ARID1B: variants seen among roughly 807,000 people sequenced by gnomAD.
ARID1B encodes AT-rich interactive domain-containing protein 1B.
Under a neutral mutation model 212.3 loss-of-function variants are expected in ARID1B, and 30 were observed. The ratio of observed to expected loss-of-function variants is 0.14; its 90% CI spans 0.11 to 0.19. ARID1B has a LOEUF of 0.19. ARID1B is among the 10% of genes least tolerant of loss of function. The pLI, the probability that ARID1B is intolerant of heterozygous loss-of-function variation, is 1.00. For missense variants in ARID1B, 2,891 were observed against 3,204.0 expected (o/e 0.90, Z 2.36); for synonymous variants, 1,402 against 1,301.7 (o/e 1.08, Z -1.66).
chr6:156,985,107 A>G (rs1583079667), intron 4 of ARID1B: 1 of 152,206 alleles, frequency 6.6e-6, no homozygotes, highest in South Asian at 2.1e-4. Context: ...AAGCTTCCAT[A>G]TACTCTAGAC....
chr6:157,174,904 C>G lies in ARID1B; in HGVS notation c.3403C>G (p.Pro1135Ala). 6.4e-7 allele frequency: 1 copy of G among 1,553,450 alleles called. No individual in the cohort carries two copies. The highest frequency in any genetic ancestry group is 8.7e-7 in the Non-Finnish European group (1 of 1,149,174). ...CCCAACCCCAGGCAACCTGCCAGTC[C>G]CTTCCCCAATGTCCCCCAGCTCTGC... ...QPPTPGNLPV[P>A]SPMSPSSASI... The change falls in exon 11 of 20, where the codon CCT (proline) becomes GCT (alanine). Residue 1135 changes from proline to alanine, a missense_variant. Transcript: ENST00000636930.
intron 4 of ARID1B, among the ~76,000 whole-genome samples, chr6:157,000,602 C>T (rs181612251): frequency 9.0e-4 from 136 of 151,772 alleles, no homozygotes; most frequent in African/African-American, 3.1e-3. Context: ...AATGTTCTTA[C>T]ATTTTCCCAC....
intron 7 of ARID1B, among the ~76,000 whole-genome samples, chr6:157,139,063 T>C (rs1789149442): frequency 6.6e-6 from 1 of 152,180 alleles, no homozygotes; most frequent in South Asian, 2.1e-4. Context: ...TAACAAAACC[T>C]GGGAATTAGG....
In ARID1B at chr6:157,174,129, G is replaced by A. The variant is rs111356146; in HGVS notation, c.3345+12G>A. ...AGAGCAAGTCAAAGGTACTTCCTTC[G>A]CCTCTGCACGCGGTGTGAGGTCTGC... On this transcript the variant is annotated intron_variant, in intron 10 of 19. Coordinates refer to ENST00000636930, the MANE Select transcript of ARID1B (RefSeq NM_001374828.1). 1,093 of 1,609,864 alleles carry A rather than the reference G, an allele frequency of 6.8e-4. 7 individuals carry two copies. The African/African-American group carries it at 0.012, about 17-fold the overall frequency.
At chr6:156,821,559 C>T (rs533271051) in intron 1 of ARID1B, among the ~76,000 whole-genome samples, 1 of 152,358 alleles carries the variant, frequency 6.6e-6, no homozygotes, top group African/African-American at 2.4e-5. Context: ...GTATGTACAT[C>T]ACTTACGGAC....
chr6:157,181,081 G>A lies in ARID1B; in HGVS notation c.3617G>A (p.Arg1206Lys), dbSNP rs753607488. ...VDRYLTFMEE[R>K]GSPVSSLPAV... ...CGATACCTCACCTTCATGGAAGAGA[G>A]AGGCTCTCCTGTCTCAAGTCTGCCT... Residue 1206 changes from arginine (R) to lysine (K), a missense_variant, in exon 12 of 20, where the codon AGA becomes AAA. Arg to Lys is a conservative substitution (Grantham distance 26). Coordinates refer to ENST00000636930, the MANE Select transcript of ARID1B (RefSeq NM_001374828.1). 2.5e-6 allele frequency: 4 copies of A among 1,614,198 alleles called. No individual in the cohort carries two copies. Among genetic ancestry groups the A allele is most frequent in the Non-Finnish European group, 3.4e-6 (4 of 1,180,042 alleles).
At chr6:156,805,519 G>A (rs1312988851) in intron 1 of ARID1B, among the ~76,000 whole-genome samples, 3 of 152,116 alleles carry the variant, frequency 2.0e-5, no homozygotes, top group African/African-American at 7.2e-5. Flanking sequence ...ACTTCACCAA[G>A]GAAGGGCAGC....
chr6:156,904,059 C>G (rs1789162453), intron 3 of ARID1B, among the ~76,000 whole-genome samples: 1 of 152,208 alleles, frequency 6.6e-6, no homozygotes, highest in African/African-American at 2.4e-5. Flanking sequence ...AGAAAAGTCT[C>G]TTCCCGTCTT....
In ARID1B at chr6:157,206,494, G is replaced by C. The variant is rs766977678; in HGVS notation, c.5722G>C (p.Asp1908His). ...KEKPKQASKF[D>H]KLPIKIVKKN... ...GAAGCCCAAGCAAGCCAGTAAGTTC[G>C]ACAAGCTGCCAATAAAGATAGTCAA... The change falls in exon 20 of 20, where the codon GAC (aspartate) becomes CAC (histidine). Residue 1908 changes from aspartate (D) to histidine (H), a missense_variant. Around this residue, in one of 7 missense-constraint regions of ARID1B, gnomAD observed 332 missense variants for 369.2 expected, o/e 0.90. Transcript: ENST00000636930. This position sits in a 1 kb window ranked among gnomAD's most constrained non-coding sequence, Gnocchi z 6.8. 5 of 1,614,098 alleles carry C rather than the reference G, an allele frequency of 3.1e-6. No homozygotes were observed. The highest frequency in any genetic ancestry group is 4.2e-6 in the Non-Finnish European group (5 of 1,180,024).
chr6:156,865,555 C>G (rs117165198), intron 2 of ARID1B, among the ~76,000 whole-genome samples: 1 of 152,092 alleles, frequency 6.6e-6, no homozygotes, highest in African/African-American at 2.4e-5. Flanking sequence ...TAGTTCATTT[C>G]CCCACGTACT....
chr6:157,115,010 T>C lies in ARID1B; in HGVS notation c.2581+4449T>C, dbSNP rs545587349. ...ATATGTTAATAAACCATGTACCCTG[T>C]GTGTCAGAGGTTCTGCAAACCTCTG... On this transcript the variant is annotated intron_variant, in intron 6 of 19. Coordinates refer to ENST00000636930, the MANE Select transcript of ARID1B (RefSeq NM_001374828.1). 2.0e-5 allele frequency among the ~76,000 whole-genome samples: 3 copies of C among 152,326 alleles called. No individual in the cohort carries two copies. In the East Asian group the frequency reaches 5.8e-4, roughly 29 times the overall value.
chr6:156,811,849 A>G (rs1009743085), intron 1 of ARID1B, among the ~76,000 whole-genome samples: 1 of 152,196 alleles, frequency 6.6e-6, no homozygotes, highest in African/African-American at 2.4e-5. Flanking sequence ...TTCTAGTTAC[A>G]TTCTGCTTAT....
intron 4 of ARID1B, among the ~76,000 whole-genome samples, chr6:157,031,376 C>A (rs1460078931): frequency 6.6e-6 from 1 of 152,160 alleles, no homozygotes; most frequent in Non-Finnish European, 1.5e-5. Flanking sequence ...GTATTTTTAT[C>A]CCCTGGACAC....
chr6:157,184,511 C>A (rs1303785882), intron 13 of ARID1B, 76 bp downstream of exon 13: 1 of 1,542,256 alleles, frequency 6.5e-7, no homozygotes, highest in Non-Finnish European at 8.9e-7. Flanking sequence ...AAGGTGGTTT[C>A]ACAGTCAGGC....
At chr6:157,107,704 C>T (rs117566574) in intron 5 of ARID1B, 4 of 152,148 alleles carry the variant, frequency 2.6e-5, no homozygotes, top group Admixed American at 1.3e-4. Flanking sequence ...GGAAAGAACA[C>T]GGGGGCTCTC....
intron 12 of ARID1B, among the ~76,000 whole-genome samples, chr6:157,181,833 A>G (rs1792562764): frequency 6.6e-6 from 1 of 152,186 alleles, no homozygotes; most frequent in Non-Finnish European, 1.5e-5. Flanking sequence ...TCAGGAGTCT[A>G]GTTGTAGGAC....
intron 2 of ARID1B, among the ~76,000 whole-genome samples, chr6:156,900,442 A>G (rs1788824475): frequency 6.6e-6 from 1 of 152,106 alleles, no homozygotes; most frequent in Admixed American, 6.6e-5. Flanking sequence ...GGCACTCATT[A>G]ATTTCTTAAG....
At position 157,035,905 on chromosome 6, in the gene ARID1B, C is replaced by T. The variant is rs150124706; in HGVS notation, c.2248-48757C>T. Reference sequence around the variant, plus strand: ...CCTTCCTTTCTATATTTTCTGTCCACAAGGGAAGAATACAATTTTGTTTTA... The same window carrying T: ...CCTTCCTTTCTATATTTTCTGTCCATAAGGGAAGAATACAATTTTGTTTTA... On this transcript the variant is annotated intron_variant, in intron 4 of 19. Coordinates refer to ENST00000636930, the MANE Select transcript of ARID1B (RefSeq NM_001374828.1). 5.0e-3 allele frequency among the ~76,000 whole-genome samples: 766 copies of T among 152,286 alleles called. 7 individuals carry two copies. The highest frequency in any genetic ancestry group is 0.017 in the African/African-American group (715 of 41,534).
intron 4 of ARID1B, among the ~76,000 whole-genome samples, chr6:157,014,931 T>C (rs1885625): frequency 3.3e-5 from 5 of 151,554 alleles, no homozygotes; most frequent in Non-Finnish European, 7.4e-5. Flanking sequence ...CTCCATCTTA[T>C]AGAAACATGC....
Sources: allele counts gnomAD v4.1 joint callset (sites outside exome capture counted in the v4.1 genomes callset), GRCh38; gene constraint gnomAD v4.1.1; regional missense constraint gnomAD v4.1.1; non-coding constraint Gnocchi (gnomAD v3.1); transcripts MANE v1.5; gene names NCBI Gene and HGNC (gene_info 2026-07-23, HGNC 2026-07-21).